EIF4G3: variants seen among roughly 807,000 people sequenced by gnomAD.
EIF4G3 encodes the protein eIF-4-gamma 3.
In EIF4G3, 34 loss-of-function variants were observed where a neutral mutation model predicts 186.4. The observed-to-expected ratio is 0.18, with a 90% confidence interval of 0.14 to 0.24. EIF4G3 has a LOEUF of 0.24. EIF4G3 is among the 10% of genes least tolerant of loss of function. EIF4G3 has a pLI of 1.00. For synonymous variants in EIF4G3, 673 were observed against 679.5 expected, an observed-to-expected ratio of 0.99 and a Z score of 0.15; for missense variants, 1,536 against 1,948.5, an observed-to-expected ratio of 0.79 and a Z score of 3.99.
At chr1:21,068,893 A>G (rs759936988) in intron 3 of EIF4G3, among the ~76,000 whole-genome samples, 4 of 152,180 alleles carry the variant, frequency 2.6e-5, no homozygotes, top group African/African-American at 4.8e-5. Flanking sequence ...AGCACCCCCA[A>G]TCTGAAAATC....
At chr1:20,846,211 T>C (rs1242940876) in intron 29 of EIF4G3, among the ~76,000 whole-genome samples, 2 of 152,192 alleles carry the variant, frequency 1.3e-5, no homozygotes, top group South Asian at 2.1e-4. Context: ...GTTTTCTAGA[T>C]ACAGGTTCAT....
At chr1:20,865,751 A>G (rs2077418778) in intron 20 of EIF4G3, among the ~76,000 whole-genome samples, 1 of 152,108 alleles carries the variant, frequency 6.6e-6, no homozygotes, top group Non-Finnish European at 1.5e-5. Context: ...GGGATTTTTG[A>G]GATATCTTTT....
chr1:21,088,379 C>T (rs969383924), intron 3 of EIF4G3, among the ~76,000 whole-genome samples: 2 of 151,650 alleles, frequency 1.3e-5, no homozygotes, highest in African/African-American at 4.8e-5. Flanking sequence ...GAGATCACAC[C>T]GTTACATTCC....
chr1:21,149,693 T>C (rs1352575624), intron 2 of EIF4G3, among the ~76,000 whole-genome samples: 1 of 152,154 alleles, frequency 6.6e-6, no homozygotes, highest in East Asian at 1.9e-4. Flanking sequence ...CACCTTAACA[T>C]ACCAAGCAGA....
intron 4 of EIF4G3, among the ~76,000 whole-genome samples, chr1:21,027,776 C>A (rs915265500): frequency 3.3e-5 from 5 of 152,132 alleles, no homozygotes; most frequent in African/African-American, 1.2e-4. Flanking sequence ...TCTGCAATTC[C>A]ACTTCCAAGT....
At chr1:20,854,722 T>A (rs1246454615) in intron 26 of EIF4G3, among the ~76,000 whole-genome samples, 23 of 149,730 alleles carry the variant, frequency 1.5e-4, no homozygotes, top group Admixed American at 1.5e-3. Flanking sequence ...TATAAATAAA[T>A]AAATAAATAA....
intron 3 of EIF4G3, among the ~76,000 whole-genome samples, chr1:21,060,989 A>G (rs977490113): frequency 3.9e-5 from 6 of 152,176 alleles, no homozygotes; most frequent in Admixed American, 1.3e-4. Flanking sequence ...ATACATCAGT[A>G]AAAGAGACTA....
intron 3 of EIF4G3, among the ~76,000 whole-genome samples, chr1:21,052,843 G>A (rs1446625605): frequency 2.0e-5 from 3 of 152,222 alleles, no homozygotes; most frequent in East Asian, 1.9e-4. Flanking sequence ...TCGGCCTCCC[G>A]AGGTGCCGGG....
Position 20,967,627 on chromosome 1 carries a change from T to C in EIF4G3, c.714+1847A>G, listed in dbSNP as rs115378330. ...GATAAATGTCAGCCAGATACCATCA[T>C]TTCCAAGAGAAAACATATCATTACA... On this transcript the variant is annotated intron_variant, in intron 12 of 36. Coordinates refer to ENST00000602326, the MANE Select transcript of EIF4G3 (RefSeq NM_001391906.1). Among the ~76,000 whole-genome samples the C allele has an allele frequency of 1.9e-3, 297 of 152,334 alleles. 1 individual carries two copies. Among genetic ancestry groups the C allele is most frequent in the African/African-American group, 6.6e-3 (274 of 41,580 alleles).
At chr1:21,052,818 A>G (rs2094315314) in intron 3 of EIF4G3, among the ~76,000 whole-genome samples, 1 of 152,204 alleles carries the variant, frequency 6.6e-6, no homozygotes, top group African/African-American at 2.4e-5. Flanking sequence ...CCTAACCGCG[A>G]GTGATCCGCC....
chr1:20,999,100 A>G (rs993544046), intron 6 of EIF4G3, among the ~76,000 whole-genome samples: 15 of 152,244 alleles, frequency 9.9e-5, no homozygotes, highest in African/African-American at 2.2e-4. Context: ...TGTAGGAGAC[A>G]GCTGAAAACA....
At chr1:21,022,331 G>A (rs1275045080) in intron 4 of EIF4G3, among the ~76,000 whole-genome samples, 1 of 152,150 alleles carries the variant, frequency 6.6e-6, no homozygotes, top group Non-Finnish European at 1.5e-5. Context: ...AACCCCACAA[G>A]TTATTTTTAG....
Position 20,893,077 on chromosome 1 carries a change from C to T in EIF4G3, c.2253+440G>A, listed in dbSNP as rs562389215. 2.7e-4 allele frequency: 59 copies of T among 217,982 alleles called. 1 individual carries two copies. The highest frequency in any genetic ancestry group is 1.3e-3 in the African/African-American group (55 of 43,400). 13.5% of individuals were successfully genotyped at this position (217,982 alleles called of 1,614,324 possible). On this transcript the variant is annotated intron_variant, in intron 18 of 36. Coordinates refer to ENST00000602326, the MANE Select transcript of EIF4G3 (RefSeq NM_001391906.1). ...TATAAGCATGCGCCAGCATGCCTGG[C>T]CTATTTTTTTCTTTTCTTTTTTTTT...
intron 34 of EIF4G3, among the ~76,000 whole-genome samples, chr1:20,816,377 A>G (rs2060901015): frequency 1.1e-5 from 1 of 88,520 alleles, no homozygotes; most frequent in Non-Finnish European, 2.3e-5. Flanking sequence ...TGGGGGGGTC[A>G]GCCCCCCGCC....
chr1:20,845,737 T>C (rs969075345), intron 29 of EIF4G3, among the ~76,000 whole-genome samples: 5 of 152,090 alleles, frequency 3.3e-5, no homozygotes, highest in Non-Finnish European at 7.4e-5. Flanking sequence ...GGCAGTGTGA[T>C]GCCTCCAGTT....
At chr1:20,957,638 AATAG>A (rs1389039064) in intron 12 of EIF4G3, among the ~76,000 whole-genome samples, 8 of 152,084 alleles carry the variant, frequency 5.3e-5, no homozygotes, top group African/African-American at 9.6e-5. Flanking sequence ...TCTTTGAAAA[AATAG>A]ATAGACTATT....
intron 3 of EIF4G3, among the ~76,000 whole-genome samples, chr1:21,080,111 A>G (rs546210932): frequency 1.3e-5 from 2 of 151,274 alleles, no homozygotes; most frequent in African/African-American, 4.9e-5. Flanking sequence ...ACACGGTGCC[A>G]CTGCAGTCCA....
At chr1:21,009,569 C>T (rs2086351462) in intron 4 of EIF4G3, among the ~76,000 whole-genome samples, 1 of 151,694 alleles carries the variant, frequency 6.6e-6, no homozygotes, top group Non-Finnish European at 1.5e-5. Context: ...TTAAATCTGG[C>T]CAGAGAAACA....
intron 11 of EIF4G3, among the ~76,000 whole-genome samples, chr1:20,972,641 A>G (rs1382388092): frequency 6.6e-6 from 1 of 152,126 alleles, no homozygotes; most frequent in Non-Finnish European, 1.5e-5. Context: ...TCTCAAAAAA[A>G]AAAAGAAAAA....
Sources: gnomAD v4.1 joint callset for allele counts (sites outside exome capture counted in the v4.1 genomes callset) on GRCh38, gnomAD v4.1.1 for gene constraint, MANE v1.5 for transcripts, NCBI Gene and HGNC (gene_info 2026-07-23, HGNC 2026-07-21) for gene names.